ADD2: variants seen among roughly 807,000 people sequenced by gnomAD.
ADD2 encodes adducin 2.
A neutral mutation model predicts 83.0 loss-of-function variants in ADD2; 23 were observed. The observed-to-expected ratio is 0.28, with a 90% CI of 0.20 to 0.39. The LOEUF is 0.39. Ranked by LOEUF, ADD2 falls within the 10% of genes least tolerant of loss-of-function variation. The probability of loss-of-function intolerance (pLI) is 1.00; values close to 1 mark genes in which losing one functional copy is unlikely to be tolerated. For synonymous variants in ADD2, 375 were observed against 375.4 expected (o/e 1.00, Z 0.01); for missense variants, 758 against 944.9 (o/e 0.80, Z 2.59).
intron 15 of ADD2, among the ~76,000 whole-genome samples, chr2:70,664,416 C>A (rs1321503723): frequency 6.6e-6 from 1 of 152,200 alleles, no homozygotes. Context: ...TTACTCAGGC[C>A]CCAGAAACCA....
At chr2:70,691,514 G>A (rs1553371661) in intron 7 of ADD2, 1 of 152,208 alleles carries the variant, frequency 6.6e-6, no homozygotes, top group Admixed American at 6.5e-5. Context: ...AAGTGCTGGG[G>A]ACCAGGGTTG....
intron 4 of ADD2, among the ~76,000 whole-genome samples, chr2:70,699,017 G>T (rs1238574709): frequency 6.6e-6 from 1 of 152,054 alleles, no homozygotes; most frequent in African/African-American, 2.4e-5. Context: ...AGATATCCTG[G>T]ATGTGTACCA....
rs782588635 is a variant in ADD2, at chr2:70,706,195, G to A, written c.183+31C>T. The A allele has an allele frequency of 3.1e-6, 5 of 1,606,028 alleles. No homozygotes were observed. Among genetic ancestry groups the A allele is most frequent in the African/African-American group, 1.3e-5 (1 of 74,904 alleles). ...GTCCTGAAGAGCCAGCGCCCCCTGCGCCCTCTCCCGCCCGGGTCAGCCCCA... is the reference window on the plus strand; with the variant it reads ...GTCCTGAAGAGCCAGCGCCCCCTGCACCCTCTCCCGCCCGGGTCAGCCCCA... On this transcript the variant is annotated intron_variant, in intron 3 of 15. Coordinates refer to ENST00000264436, the MANE Select transcript of ADD2 (RefSeq NM_001617.4). The surrounding 1 kb of genome is among the most constrained non-coding windows in gnomAD (Gnocchi z 5.0).
rs1176300555 is a variant in ADD2, at chr2:70,687,970, C to T, written c.948+54G>A. Reference sequence around the variant, plus strand: ...CCAACAGGGTCACCACGTTTGCCCACAGGCCCCTGTCAGAGCCCACTCCTG... The same window carrying T: ...CCAACAGGGTCACCACGTTTGCCCATAGGCCCCTGTCAGAGCCCACTCCTG... On this transcript the variant is annotated intron_variant, in intron 9 of 15. Transcript: ENST00000264436. 9 of 1,414,144 alleles carry T rather than the reference C, an allele frequency of 6.4e-6. No individual in the cohort carries two copies. In the African/African-American group the frequency reaches 1.3e-4, roughly 20 times the overall value. The allele number at this position is 1,414,144 out of a possible 1,614,324, so 87.6% of individuals were successfully genotyped here. A position where few individuals can be genotyped will look rare whatever the true frequency, so the allele number is the denominator to read the frequency against.
At chr2:70,715,433 G>A (rs1553376181) in intron 1 of ADD2, among the ~76,000 whole-genome samples, 1 of 152,122 alleles carries the variant, frequency 6.6e-6, no homozygotes, top group East Asian at 1.9e-4. Context: ...CTCAGGCAGA[G>A]CAGAGATGCA....
intron 1 of ADD2, among the ~76,000 whole-genome samples, chr2:70,762,537 A>G (rs1489084677): frequency 2.6e-5 from 4 of 151,630 alleles, no homozygotes; most frequent in African/African-American, 9.7e-5. Context: ...TGAGTAATAC[A>G]GCATCAAATA....
intron 15 of ADD2, among the ~76,000 whole-genome samples, chr2:70,664,870 C>T (rs1303948067): frequency 2.6e-5 from 4 of 151,758 alleles, no homozygotes; most frequent in East Asian, 1.9e-4. Context: ...TGAGCATGTG[C>T]GAACCAGTGT....
At chr2:70,762,415 A>G (rs1394710374) in intron 1 of ADD2, among the ~76,000 whole-genome samples, 8 of 151,772 alleles carry the variant, frequency 5.3e-5, no homozygotes, top group Non-Finnish European at 1.0e-4. Flanking sequence ...GGGTCACAAC[A>G]TTTGTGTCAC....
chr2:70,678,018 C>T (rs1427119008), intron 11 of ADD2, 141 bp from the exon 12 acceptor site: 2 of 1,129,266 alleles, frequency 1.8e-6, no homozygotes, highest in East Asian at 2.4e-5. Context: ...TCTTCTTAGG[C>T]CTCTTTGATG....
At chr2:70,687,144 C>T (rs1553370663) in intron 9 of ADD2, 1 of 152,326 alleles carries the variant, frequency 6.6e-6, no homozygotes, top group Non-Finnish European at 1.5e-5. Context: ...GGCCCCACGT[C>T]TACAGTTGAG....
At chr2:70,723,426 C>A (rs1037520976) in intron 1 of ADD2, among the ~76,000 whole-genome samples, 5 of 150,556 alleles carry the variant, frequency 3.3e-5, no homozygotes, top group Non-Finnish European at 5.9e-5. Context: ...TGGATTCTAT[C>A]TAGTCAGCAA....
rs782492847 is a variant in ADD2, at chr2:70,706,286, C to T, written c.123G>A (p.Leu41=). The T allele has an allele frequency of 1.9e-6, 3 of 1,614,118 alleles. No individual in the cohort carries two copies. The South Asian group carries it at 3.3e-5, about 18-fold the overall frequency. ...GCTCCATCAGGTTGAAGTCCTGCCG[C>T]AGGTCCGCCGCCCGGTTGCGAAGGC... is the stretch of plus-strand genomic sequence containing the variant. ...YMRLRNRAAD[L]RQDFNLMEQK... is the part of the protein sequence containing the mutation. The change falls in exon 3 of 16, where the codon CTG becomes CTA. Residue 41 remains leucine (L), a synonymous_variant. Coordinates refer to ENST00000264436, the MANE Select transcript of ADD2 (RefSeq NM_001617.4). This position sits in a 1 kb window ranked among gnomAD's most constrained non-coding sequence, Gnocchi z 5.0.
intron 6 of ADD2, 98 bp downstream of exon 6, chr2:70,695,623 G>A (rs1437303241): frequency 7.1e-5 from 78 of 1,090,944 alleles, no homozygotes; most frequent in Non-Finnish European, 8.9e-5. Context: ...GCTCCACAGC[G>A]CAACAGTGAC....
chr2:70,764,403 G>A (rs1026169227), intron 1 of ADD2, among the ~76,000 whole-genome samples: 11 of 151,782 alleles, frequency 7.2e-5, no homozygotes, highest in African/African-American at 2.7e-4. Context: ...TGGTCGCCAG[G>A]AGCTGTTCTT....
Position 70,706,453 on chromosome 2 carries a change from G to A in ADD2, c.-34-11C>T, listed in dbSNP as rs141271197. On this transcript the variant is annotated splice_polypyrimidine_tract_variant and intron_variant, in intron 2 of 15. Coordinates refer to ENST00000264436, the MANE Select transcript of ADD2 (RefSeq NM_001617.4). The surrounding 1 kb of genome is among the most constrained non-coding windows in gnomAD (Gnocchi z 5.0). ...TTCGCTCCTGGAACTCTACAGAGAA[G>A]GGGAGAGGGTATGCGGTCAGGTTGG... is the stretch of plus-strand genomic sequence containing the variant. 2 of 1,569,504 alleles carry A rather than the reference G, an allele frequency of 1.3e-6. No individual in the cohort carries two copies. Among genetic ancestry groups the A allele is most frequent in the Non-Finnish European group, 1.7e-6 (2 of 1,159,934 alleles).
intron 1 of ADD2, among the ~76,000 whole-genome samples, chr2:70,718,936 G>C (rs1553376883): frequency 6.6e-6 from 1 of 152,228 alleles, no homozygotes; most frequent in Non-Finnish European, 1.5e-5. Flanking sequence ...CCTGGCAGAA[G>C]CCTTGAGGAC....
At chr2:70,665,352 G>A (rs541249875) in intron 15 of ADD2, among the ~76,000 whole-genome samples, 168 of 152,232 alleles carry the variant, frequency 1.1e-3, no homozygotes, top group African/African-American at 3.9e-3. Context: ...AGACCACTGC[G>A]GAGCACCAGC....
Position 70,663,477 on chromosome 2 carries a change from C to T in ADD2, c.2129G>A (p.Arg710Gln), listed in dbSNP as rs1553365459. 4 of 1,613,958 alleles carry T rather than the reference C, an allele frequency of 2.5e-6. No individual in the cohort carries two copies. The highest frequency in any genetic ancestry group is 2.5e-6 in the Non-Finnish European group (3 of 1,179,974). Residue 710 changes from arginine (R) to glutamine (Q), a missense_variant, in exon 16 of 16, where the codon CGA (arginine) becomes CAA (glutamine). This residue lies in a region of ADD2 where 165 missense variants were observed against 176.2 expected (regional missense o/e 0.94). Transcript: ENST00000264436. ...KSPSKKKKKF[R>Q]TPSFLKKSKK... ...GCTCTTTTTCAGGAAGGAGGGGGTTCGGAATTTCTTTTTCTTCTTTGAGGG... is the reference window on the plus strand; with the variant it reads ...GCTCTTTTTCAGGAAGGAGGGGGTTTGGAATTTCTTTTTCTTCTTTGAGGG...
intron 13 of ADD2, 31 bp from the exon 14 acceptor site, chr2:70,674,856 C>T (rs1574223898): frequency 6.2e-7 from 1 of 1,600,338 alleles, no homozygotes. Flanking sequence ...GTGTGTCGCT[C>T]TCTGAACGCC....
Sources: gnomAD v4.1 joint callset for allele counts (sites outside exome capture counted in the v4.1 genomes callset) on GRCh38, gnomAD v4.1.1 for gene constraint, gnomAD v4.1.1 regional missense constraint, Gnocchi (gnomAD v3.1) non-coding constraint, MANE v1.5 for transcripts, NCBI Gene and HGNC (gene_info 2026-07-23, HGNC 2026-07-21) for gene names.